NR6A1: variants seen among roughly 807,000 people sequenced by gnomAD.
NR6A1 encodes retinoic acid receptor-related testis-associated receptor.
NR6A1 carries 7 observed loss-of-function variants against 59.1 expected under a neutral mutation model. That is an observed-to-expected ratio of 0.12 (90% CI 0.07 to 0.22). The LOEUF (loss-of-function observed/expected upper bound fraction) is 0.22. Among genes scored for constraint, NR6A1 ranks in the 10% least tolerant of loss-of-function variants. NR6A1 has a pLI of 1.00. For synonymous variants in NR6A1, 243 were observed against 236.1 expected (o/e 1.03, Z -0.27); for missense variants, 468 against 611.6 (o/e 0.77, Z 2.48).
chr9:124,548,552 G>C (rs1478172950), intron 3 of NR6A1, among the ~76,000 whole-genome samples: 1 of 152,136 alleles, frequency 6.6e-6, no homozygotes, highest in African/African-American at 2.4e-5. Context: ...AAAAATGTTT[G>C]TAAGGAACAC....
intron 2 of NR6A1, among the ~76,000 whole-genome samples, chr9:124,668,511 C>G (rs2130960879): frequency 6.6e-6 from 1 of 152,258 alleles, no homozygotes; most frequent in East Asian, 1.9e-4. Flanking sequence ...ATGTAGAAAA[C>G]TTAGATAATA....
At chr9:124,653,227 C>T (rs1291680219) in intron 2 of NR6A1, among the ~76,000 whole-genome samples, 1 of 151,842 alleles carries the variant, frequency 6.6e-6, no homozygotes, top group African/African-American at 2.4e-5. Flanking sequence ...AAAGTTCTGG[C>T]TGCCCCTTCA....
At chr9:124,627,908 T>TC (rs1836295334) in intron 2 of NR6A1, among the ~76,000 whole-genome samples, 1 of 111,714 alleles carries the variant, frequency 9.0e-6, no homozygotes, top group East Asian at 2.6e-4. Context: ...TTTTTTTTTT[T>TC]TTCAAAACAA....
chr9:124,633,230 C>A (rs1836497487), intron 2 of NR6A1, among the ~76,000 whole-genome samples: 1 of 151,714 alleles, frequency 6.6e-6, no homozygotes, highest in Admixed American at 6.6e-5. Context: ...CGGTGAAACC[C>A]CGTCTCTACT....
chr9:124,764,050 G>T lies in NR6A1; in HGVS notation c.100+6970C>A, dbSNP rs7024263. ...AACACAAAAATTAGCTGGGCATGGT[G>T]GTGGATGCCTGTAATCCCAGCTACT... On this transcript the variant is annotated intron_variant, in intron 1 of 9. Transcript: ENST00000487099. 4.6e-3 allele frequency among the ~76,000 whole-genome samples: 706 copies of T among 152,134 alleles called. 3 individuals are homozygous for T. Among genetic ancestry groups the T allele is most frequent in the African/African-American group, 0.016 (681 of 41,476 alleles).
chr9:124,671,069 C>A (rs1483860449), intron 2 of NR6A1, among the ~76,000 whole-genome samples: 1 of 152,072 alleles, frequency 6.6e-6, no homozygotes. Flanking sequence ...TAGTCAAATA[C>A]ATAGAAACAA....
chr9:124,762,074 T>A (rs1039139187), intron 1 of NR6A1, among the ~76,000 whole-genome samples: 3 of 152,240 alleles, frequency 2.0e-5, no homozygotes, highest in Non-Finnish European at 4.4e-5. Flanking sequence ...TAATGGTATC[T>A]GGTGAAGTCA....
chr9:124,531,766 CA>C (rs1216721109), intron 7 of NR6A1, among the ~76,000 whole-genome samples: 1 of 152,172 alleles, frequency 6.6e-6, no homozygotes, highest in Non-Finnish European at 1.5e-5. Flanking sequence ...CTGGCTAGTC[CA>C]AAAAATCAGC....
At chr9:124,623,644 C>G (rs1214237018) in intron 2 of NR6A1, among the ~76,000 whole-genome samples, 1 of 152,044 alleles carries the variant, frequency 6.6e-6, no homozygotes, top group Non-Finnish European at 1.5e-5. Flanking sequence ...GCATGGGCCA[C>G]CACACCCAGC....
At chr9:124,598,425 G>A (rs1204183195) in intron 2 of NR6A1, among the ~76,000 whole-genome samples, 3 of 149,864 alleles carry the variant, frequency 2.0e-5, no homozygotes, top group African/African-American at 7.3e-5. Flanking sequence ...GGGAAGGAGA[G>A]AGAAAACAGG....
intron 2 of NR6A1, among the ~76,000 whole-genome samples, chr9:124,664,005 A>T (rs1039502408): frequency 2.0e-5 from 3 of 152,220 alleles, no homozygotes; most frequent in Non-Finnish European, 4.4e-5. Flanking sequence ...TTGGTGATTA[A>T]AACAACAACA....
intron 4 of NR6A1, among the ~76,000 whole-genome samples, chr9:124,541,327 A>G (rs1380332106): frequency 1.3e-5 from 2 of 152,230 alleles, no homozygotes; most frequent in Non-Finnish European, 2.9e-5. Context: ...AAGAAACTTG[A>G]ACAGACATTT....
chr9:124,665,979 AT>A (rs1837601509), intron 2 of NR6A1, among the ~76,000 whole-genome samples: 1 of 152,236 alleles, frequency 6.6e-6, no homozygotes, highest in Non-Finnish European at 1.5e-5. Flanking sequence ...ATGAAGCAAT[AT>A]TATCTCCACA....
chr9:124,612,067 T>C (rs1206431387), intron 2 of NR6A1, among the ~76,000 whole-genome samples: 1 of 152,154 alleles, frequency 6.6e-6, no homozygotes, highest in African/African-American at 2.4e-5. Context: ...TCTGGAAGGG[T>C]TTCCCAGAGA....
intron 2 of NR6A1, among the ~76,000 whole-genome samples, chr9:124,558,299 G>A (rs150308110): frequency 3.6e-4 from 55 of 152,224 alleles, no homozygotes; most frequent in African/African-American, 1.3e-3. Flanking sequence ...AGACTAAAGG[G>A]CCATATTTCT....
intron 2 of NR6A1, among the ~76,000 whole-genome samples, chr9:124,555,491 C>T (rs553355082): frequency 3.3e-5 from 5 of 152,324 alleles, no homozygotes; most frequent in African/African-American, 9.6e-5. Context: ...TGGCACACAC[C>T]TGTAGTCTCA....
intron 2 of NR6A1, among the ~76,000 whole-genome samples, chr9:124,704,372 T>C (rs1355877870): frequency 2.0e-5 from 3 of 152,226 alleles, no homozygotes; most frequent in African/African-American, 4.8e-5. Flanking sequence ...TCCATTCTAA[T>C]CTTTATTGTT....
At chr9:124,608,766 T>C (rs957481550) in intron 2 of NR6A1, among the ~76,000 whole-genome samples, 5 of 152,220 alleles carry the variant, frequency 3.3e-5, no homozygotes, top group Non-Finnish European at 7.3e-5. Flanking sequence ...ACCAACAGTA[T>C]AAAAGCATTC....
chr9:124,574,991 C>T (rs1174206610), intron 2 of NR6A1, among the ~76,000 whole-genome samples: 2 of 152,224 alleles, frequency 1.3e-5, no homozygotes, highest in Non-Finnish European at 2.9e-5. Context: ...GGCTGATTCA[C>T]ATCCTGTAAT....
Sources: gnomAD v4.1 joint callset for allele counts (sites outside exome capture counted in the v4.1 genomes callset) on GRCh38, gnomAD v4.1.1 for gene constraint, MANE v1.5 for transcripts, NCBI Gene and HGNC (gene_info 2026-07-23, HGNC 2026-07-21) for gene names.